Variants in METTL21A observed in about 807,000 individuals in gnomAD.
METTL21A encodes methyltransferase 21A, HSPA lysine, also known as protein N-lysine methyltransferase METTL21A.
In METTL21A, 22 loss-of-function variants were observed where a neutral mutation model predicts 20.9. The ratio of observed to expected loss-of-function variants is 1.05; its 90% CI spans 0.75 to 1.50. METTL21A has a LOEUF of 1.50. METTL21A is among the 40% of genes most tolerant of loss of function. METTL21A has a pLI of 0.00. For synonymous variants in METTL21A, 93 were observed against 102.0 expected (o/e 0.91, Z 0.53); for missense variants, 271 against 266.8 (o/e 1.02, Z -0.11).
chr2:207,609,262 T>C (rs962435576), downstream of METTL21A: 2 of 152,210 alleles, frequency 1.3e-5, no homozygotes, highest in Admixed American at 1.3e-4. Context: ...CTATCTCTAG[T>C]ACCAAATACC....
downstream of METTL21A, among the ~76,000 whole-genome samples, chr2:207,604,826 A>C (rs1443566338): frequency 6.6e-6 from 1 of 152,212 alleles, no homozygotes; most frequent in African/African-American, 2.4e-5. Flanking sequence ...TGTGAGACTC[A>C]TACACTGTGT....
intron 3 of METTL21A, among the ~76,000 whole-genome samples, chr2:207,619,115 G>C (rs1357512920): frequency 6.6e-6 from 1 of 151,362 alleles, no homozygotes; most frequent in African/African-American, 2.4e-5. Context: ...TCAGGAATTA[G>C]CAGCTGGTTT....
intron 3 of METTL21A, among the ~76,000 whole-genome samples, chr2:207,591,021 G>A (rs969862557): frequency 3.9e-5 from 6 of 151,974 alleles, no homozygotes; most frequent in African/African-American, 9.7e-5. Context: ...CCAAATAATC[G>A]AGGATCTTCC....
chr2:207,609,105 G>A (rs1231870405), downstream of METTL21A: 1 of 152,208 alleles, frequency 6.6e-6, no homozygotes, highest in Non-Finnish European at 1.5e-5. Context: ...GTATATCACA[G>A]AATGCTCACA....
At chr2:207,622,398 T>G (rs1316319641) in intron 2 of METTL21A, among the ~76,000 whole-genome samples, 1 of 152,144 alleles carries the variant, frequency 6.6e-6, no homozygotes, top group Non-Finnish European at 1.5e-5. Context: ...CTTGAACTCC[T>G]GAGCTCCTGC....
At chr2:207,598,190 A>G (rs2086481963) in intron 3 of METTL21A, 1 of 182,054 alleles carries the variant, frequency 5.5e-6, no homozygotes, top group African/African-American at 2.4e-5. Flanking sequence ...GTAAGGATAT[A>G]AAAAGTACAG....
chr2:207,600,228 T>C (rs1055846622), intron 3 of METTL21A: 1 of 124,692 alleles, frequency 8.0e-6, no homozygotes, highest in Non-Finnish European at 1.6e-5. Flanking sequence ...ATTTGTATAA[T>C]ATATGTGTAC....
chr2:207,603,517 A>ACG (rs1300548316), intron 3 of METTL21A: 1 of 224,200 alleles, frequency 4.5e-6, no homozygotes, highest in African/African-American at 2.2e-5. Flanking sequence ...TATTGGACTT[A>ACG]AAGTTACAAT....
chr2:207,604,827 T>C (rs1295958128), downstream of METTL21A, among the ~76,000 whole-genome samples: 3 of 152,244 alleles, frequency 2.0e-5, no homozygotes, highest in Non-Finnish European at 4.4e-5. Context: ...GTGAGACTCA[T>C]ACACTGTGTA....
chr2:207,589,929 T>C (rs2084642917), intron 3 of METTL21A, among the ~76,000 whole-genome samples: 1 of 152,168 alleles, frequency 6.6e-6, no homozygotes, highest in Non-Finnish European at 1.5e-5. Context: ...GAGTTTGTTA[T>C]TAGGGTAATG....
chr2:207,620,230 G>A (rs965145810), intron 3 of METTL21A, among the ~76,000 whole-genome samples: 15 of 152,126 alleles, frequency 9.9e-5, no homozygotes, highest in African/African-American at 3.6e-4. Flanking sequence ...GATCACCTGA[G>A]GTCAGGAGTT....
At chr2:207,586,177 AC>A (rs2083803544) in intron 3 of METTL21A, among the ~76,000 whole-genome samples, 1 of 152,216 alleles carries the variant, frequency 6.6e-6, no homozygotes, top group Admixed American at 6.5e-5. Flanking sequence ...GCATCACACT[AC>A]CTGACTTCAA....
At chr2:207,582,120 T>G (rs1478232811) in exon 4 of METTL21A, 4 of 702,926 alleles carry the variant, frequency 5.7e-6, no homozygotes, top group Non-Finnish European at 1.0e-5. Context: ...TTTCTCTTTG[T>G]CCAGCCCATA....
At chr2:207,582,894 A>C (rs1574915451) in intron 3 of METTL21A, 2 of 297,368 alleles carry the variant, frequency 6.7e-6, no homozygotes, top group Non-Finnish European at 1.3e-5. Flanking sequence ...CTGTCTCAAA[A>C]AAACAAACAA....
chr2:207,597,144 T>G (rs978485495), intron 3 of METTL21A: 2 of 1,416,666 alleles, frequency 1.4e-6, no homozygotes, highest in East Asian at 5.1e-5. Flanking sequence ...TTTTATTTTC[T>G]AAACATTTCT....
chr2:207,608,061 T>C (rs2088417315), downstream of METTL21A, among the ~76,000 whole-genome samples: 1 of 151,954 alleles, frequency 6.6e-6, no homozygotes, highest in African/African-American at 2.4e-5. Flanking sequence ...TGACTCCCTC[T>C]CCAATATTGT....
At chr2:207,585,710 GAAATT>G (rs1468678927) in intron 3 of METTL21A, among the ~76,000 whole-genome samples, 2 of 152,104 alleles carry the variant, frequency 1.3e-5, no homozygotes, top group African/African-American at 4.8e-5. Flanking sequence ...ATCTGAATGA[GAAATT>G]AAAGAGGTAA....
At chr2:207,586,061 A>C (rs2083771297) in intron 3 of METTL21A, among the ~76,000 whole-genome samples, 1 of 151,918 alleles carries the variant, frequency 6.6e-6, no homozygotes, top group African/African-American at 2.4e-5. Flanking sequence ...TTTCTAAGAC[A>C]CACTATTTTC....
chr2:207,625,236 G>A (rs1386920794), intron 1 of METTL21A: 2 of 152,230 alleles, frequency 1.3e-5, no homozygotes, highest in Admixed American at 6.5e-5. Flanking sequence ...GCCCAGGCCG[G>A]GCTGAGGCGC....
Sources: gnomAD v4.1 joint callset for allele counts (sites outside exome capture counted in the v4.1 genomes callset) on GRCh38, gnomAD v4.1.1 for gene constraint, MANE v1.5 for transcripts, NCBI Gene and HGNC (gene_info 2026-07-23, HGNC 2026-07-21) for gene names.